The following PTPRM variants were observed in gnomAD, a reference collection of about 807,000 sequenced individuals.
PTPRM encodes the protein protein tyrosine phosphatase receptor type M.
A neutral mutation model predicts 186.7 loss-of-function variants in PTPRM; 47 were observed. That is an observed-to-expected ratio of 0.25 (90% CI 0.20 to 0.32). PTPRM has a LOEUF of 0.32. Ranked by LOEUF, PTPRM falls within the 10% of genes least tolerant of loss-of-function variation. The pLI, the probability that PTPRM is intolerant of heterozygous loss-of-function variation, is 1.00. For synonymous variants in PTPRM, 668 were observed against 674.9 expected, an observed-to-expected ratio of 0.99 and a Z score of 0.16; for missense variants, 1,494 against 1,865.0, an observed-to-expected ratio of 0.80 and a Z score of 3.66.
chr18:8,225,568 T>G (rs969826226), intron 14 of PTPRM, among the ~76,000 whole-genome samples: 1 of 152,142 alleles, frequency 6.6e-6, no homozygotes, highest in Non-Finnish European at 1.5e-5. Flanking sequence ...CAAGGGGAGC[T>G]CATTGAAGTG....
chr18:8,108,648 T>G (rs1033366229), intron 11 of PTPRM, among the ~76,000 whole-genome samples: 4 of 152,250 alleles, frequency 2.6e-5, no homozygotes, highest in Non-Finnish European at 5.9e-5. Flanking sequence ...TTCTAGATTA[T>G]ACTTCATGTG....
chr18:8,150,962 G>A (rs1000846680), intron 14 of PTPRM, among the ~76,000 whole-genome samples: 1 of 152,148 alleles, frequency 6.6e-6, no homozygotes, highest in Non-Finnish European at 1.5e-5. Flanking sequence ...AGCGGAGACA[G>A]CAGACCAGCA....
rs537024402 is a variant in PTPRM, at chr18:8,146,118, T to C, written c.2300+2339T>C. The stretch of plus-strand genomic sequence containing the variant: ...ATCCCAGCTCGCTGCAACCTCCGCC[T>C]CCCAGGTTCAAGCAATTATCCTGCC... On this transcript the variant is annotated intron_variant, in intron 14 of 32. Transcript: ENST00000580170. Among the ~76,000 whole-genome samples, 3 of 146,044 alleles carry C rather than the reference T, an allele frequency of 2.1e-5. No individual in the cohort carries two copies. The East Asian group carries it at 6.8e-4, about 33-fold the overall frequency.
rs1477517157 is a variant in PTPRM, at chr18:8,126,010, TATATATATATATATA to T, written c.2167+11184_2167+11198del. Among the ~76,000 whole-genome samples the T allele has an allele frequency of 3.8e-3, 91 of 23,794 alleles. 5 individuals are homozygous for T. In the East Asian group the frequency reaches 0.056, roughly 15 times the overall value. 15.6% of individuals were successfully genotyped at this position (23,794 alleles called of 152,430 possible). On this transcript the variant is annotated intron_variant, in intron 13 of 32. Coordinates refer to ENST00000580170, the MANE Select transcript of PTPRM (RefSeq NM_001105244.2). ...ATATATATATATATATATATATATATATATATATATATATATATTTTAAATCAGTAGACCTTTCCA... is the reference window on the plus strand; with the variant it reads ...ATATATATATATATATATATATATATTATTTTAAATCAGTAGACCTTTCCA...
intron 1 of PTPRM, among the ~76,000 whole-genome samples, chr18:7,669,560 T>G (rs527727035): frequency 6.6e-6 from 1 of 152,236 alleles, no homozygotes; most frequent in Admixed American, 6.5e-5. Flanking sequence ...CAGGAAGCAG[T>G]GGAGCAGAAG....
chr18:8,371,363 T>A (rs1400282640), intron 24 of PTPRM, among the ~76,000 whole-genome samples: 1 of 152,222 alleles, frequency 6.6e-6, no homozygotes, highest in Non-Finnish European at 1.5e-5. Context: ...TAAATTTCCT[T>A]CATGGTGTAT....
Position 8,017,264 on chromosome 18 carries a change from C to T in PTPRM, c.1133-52422C>T, listed in dbSNP as rs189248150. On this transcript the variant is annotated intron_variant, in intron 7 of 32. Coordinates refer to ENST00000580170, the MANE Select transcript of PTPRM (RefSeq NM_001105244.2). ...TATAGTATAAAAATATTAGGCCAGGCGTGGTGGCTCATGCCTGTAGTCCCA... is the reference window on the plus strand; with the variant it reads ...TATAGTATAAAAATATTAGGCCAGGTGTGGTGGCTCATGCCTGTAGTCCCA... Among the ~76,000 whole-genome samples, 152 of 152,088 alleles carry T rather than the reference C, an allele frequency of 1.0e-3. 3 individuals are homozygous for T. In the East Asian group the frequency reaches 0.028, roughly 28 times the overall value.
At chr18:8,345,265 T>C (rs111756393) in intron 23 of PTPRM, among the ~76,000 whole-genome samples, 2,816 of 151,912 alleles carry the variant, frequency 0.019, 100 homozygotes, top group African/African-American at 0.064. Flanking sequence ...TAAACATGAA[T>C]AGAAATTTAT....
rs1417916947 is a variant in PTPRM at position 8,189,243 on chromosome 18, G to A, written c.2300+45464G>A. On this transcript the variant is annotated intron_variant, in intron 14 of 32. Coordinates refer to ENST00000580170, the MANE Select transcript of PTPRM (RefSeq NM_001105244.2). The stretch of plus-strand genomic sequence containing the variant: ...TGAGGCTGAGGCTTCAGTGAGCCAT[G>A]CTGGCACCACTGTACTCCAATCTGG... Among the ~76,000 whole-genome samples the A allele has an allele frequency of 2.7e-5, 4 of 148,754 alleles. No homozygotes were observed. In the East Asian group the frequency reaches 6.1e-4, roughly 23 times the overall value.
chr18:8,219,653 G>A (rs12458952), intron 14 of PTPRM, among the ~76,000 whole-genome samples: 23,896 of 152,014 alleles, frequency 0.16, 2,038 homozygotes, highest in Non-Finnish European at 0.2. Context: ...CATAAAGGTG[G>A]GATATCTTGA....
At chr18:8,359,149 A>G (rs2095581562) in intron 23 of PTPRM, among the ~76,000 whole-genome samples, 1 of 152,256 alleles carries the variant, frequency 6.6e-6, no homozygotes, top group Non-Finnish European at 1.5e-5. Context: ...TGAAATACAA[A>G]TCAGGCTTCA....
intron 1 of PTPRM, among the ~76,000 whole-genome samples, chr18:7,639,292 G>C (rs749873718): frequency 4.0e-5 from 6 of 151,884 alleles, no homozygotes; most frequent in East Asian, 1.9e-4. Flanking sequence ...GAATCGTCTC[G>C]ATCTCCTGAC....
chr18:8,167,506 T>C (rs2093340406), intron 14 of PTPRM, among the ~76,000 whole-genome samples: 1 of 152,196 alleles, frequency 6.6e-6, no homozygotes, highest in Non-Finnish European at 1.5e-5. Flanking sequence ...TATTACTTCT[T>C]CCATTGTCAC....
intron 31 of PTPRM, among the ~76,000 whole-genome samples, chr18:8,389,223 T>C (rs1010841193): frequency 6.6e-6 from 1 of 152,196 alleles, no homozygotes; most frequent in Admixed American, 6.5e-5. Context: ...TGGAGCTAGA[T>C]GTATAATGCA....
intron 9 of PTPRM, among the ~76,000 whole-genome samples, chr18:8,083,038 T>C (rs2090224312): frequency 6.6e-6 from 1 of 152,062 alleles, no homozygotes; most frequent in South Asian, 2.1e-4. Flanking sequence ...TTTCATCTCT[T>C]GCTGTCTGTA....
At chr18:8,225,694 G>A (rs1441979915) in intron 14 of PTPRM, among the ~76,000 whole-genome samples, 1 of 152,214 alleles carries the variant, frequency 6.6e-6, no homozygotes, top group Non-Finnish European at 1.5e-5. Context: ...TCACTAAGCA[G>A]AGAAAGACCA....
intron 4 of PTPRM, among the ~76,000 whole-genome samples, chr18:7,926,000 T>C (rs1419496925): frequency 6.6e-6 from 1 of 152,258 alleles, no homozygotes; most frequent in African/African-American, 2.4e-5. Flanking sequence ...TGCCATGCTA[T>C]GGCAGTCTCA....
chr18:7,946,904 A>C (rs1454763246), intron 5 of PTPRM: 1 of 455,850 alleles, frequency 2.2e-6, no homozygotes, highest in East Asian at 7.0e-5. Context: ...GCCTGGGAGG[A>C]AGGGCTGAGC....
In PTPRM at chr18:8,174,975, G is replaced by A. The variant is rs1027041099; in HGVS notation, c.2300+31196G>A. On this transcript the variant is annotated intron_variant, in intron 14 of 32. Transcript: ENST00000580170. ...GTAAACTCAATATCACTTTCCATTAGCATGGCCAGTTGCTGCCATGTGTCT... is the reference window on the plus strand; with the variant it reads ...GTAAACTCAATATCACTTTCCATTAACATGGCCAGTTGCTGCCATGTGTCT... Among the ~76,000 whole-genome samples the A allele has an allele frequency of 3.9e-5, 6 of 152,224 alleles. No individual in the cohort carries two copies. The East Asian group carries it at 1.2e-3, about 29-fold the overall frequency.
Sources: gnomAD v4.1 joint callset for allele counts (sites outside exome capture counted in the v4.1 genomes callset) on GRCh38, gnomAD v4.1.1 for gene constraint, MANE v1.5 for transcripts, NCBI Gene and HGNC (gene_info 2026-07-23, HGNC 2026-07-21) for gene names.